Variants in EXD1 observed in about 807,000 individuals in gnomAD.
The protein encoded by EXD1 is piRNA biogenesis protein EXD1.
Under a neutral mutation model 49.1 loss-of-function variants are expected in EXD1, and 63 were observed. The observed-to-expected ratio is 1.28, with a 90% CI of 1.05 to 1.58. The LOEUF (loss-of-function observed/expected upper bound fraction) is 1.58, where lower values mean the gene tolerates loss of function less well. EXD1 is among the 40% of genes most tolerant of loss of function. EXD1 has a pLI of 0.00. For missense variants in EXD1, 748 were observed against 666.0 expected (o/e 1.12, Z -1.36); for synonymous variants, 234 against 239.2 (o/e 0.98, Z 0.20).
At chr15:41,201,730 C>T (rs1335447330) in intron 7 of EXD1, among the ~76,000 whole-genome samples, 9 of 152,136 alleles carry the variant, frequency 5.9e-5, no homozygotes, top group Admixed American at 2.6e-4. Context: ...CCTCGTGATC[C>T]GCCTGCCTCG....
chr15:41,223,437 G>C (rs562069067), intron 2 of EXD1, among the ~76,000 whole-genome samples: 2 of 149,836 alleles, frequency 1.3e-5, no homozygotes, highest in East Asian at 4.0e-4. Context: ...ATTTTTTTTC[G>C]GGGCTGGGTG....
chr15:41,188,947 C>T (rs2046459791), intron 11 of EXD1, among the ~76,000 whole-genome samples: 1 of 151,360 alleles, frequency 6.6e-6, no homozygotes, highest in South Asian at 2.1e-4. Flanking sequence ...GGATTACAGG[C>T]ATGTGCCACC....
chr15:41,199,837 GAT>G lies in EXD1; in HGVS notation c.535-3802_535-3801del, dbSNP rs1168845172. Among the ~76,000 whole-genome samples the G allele has an allele frequency of 2.3e-3, 305 of 133,136 alleles. 1 individual carries two copies. Among genetic ancestry groups the G allele is most frequent in the African/African-American group, 8.1e-3 (285 of 35,318 alleles). 87.3% of individuals were successfully genotyped at this position (133,136 alleles called of 152,430 possible). On this transcript the variant is annotated intron_variant, in intron 7 of 11. Coordinates refer to ENST00000458580, the MANE Select transcript of EXD1 (RefSeq NM_001286441.2). ...CATATATAGATATATGTCAATATATGATATATATAATATGTCATATATATGAT... is the reference window on the plus strand; with the variant it reads ...CATATATAGATATATGTCAATATATGATATATAATATGTCATATATATGAT...
At chr15:41,185,045 T>C (rs1039553949) in intron 11 of EXD1, among the ~76,000 whole-genome samples, 10 of 152,172 alleles carry the variant, frequency 6.6e-5, no homozygotes, top group Admixed American at 1.3e-4. Context: ...TCTTCAATTA[T>C]AGTAGTATCA....
intron 7 of EXD1, among the ~76,000 whole-genome samples, chr15:41,199,266 A>C (rs949758860): frequency 5.3e-5 from 8 of 151,642 alleles, no homozygotes; most frequent in African/African-American, 1.9e-4. Context: ...ATTTTTTTTT[A>C]ATATGGAGAT....
In EXD1 at chr15:41,184,594, C is replaced by T. The variant is rs762986428; in HGVS notation, c.1057-1G>A. 8 of 1,564,558 alleles carry T rather than the reference C, an allele frequency of 5.1e-6. 1 individual carries two copies. In the South Asian group the frequency reaches 8.4e-5, roughly 16 times the overall value. On this transcript the variant is annotated splice_acceptor_variant, in intron 11 of 11. Coordinates refer to ENST00000458580, the MANE Select transcript of EXD1 (RefSeq NM_001286441.2). LOFTEE classifies it high-confidence loss of function. ...CCTCTGGCAGCTCCATACATGTAGGCTAAGAAGAGAAAGCGAACACAAGTT... is the reference window on the plus strand; with the variant it reads ...CCTCTGGCAGCTCCATACATGTAGGTTAAGAAGAGAAAGCGAACACAAGTT...
At chr15:41,224,542 G>A (rs1384392355) in intron 2 of EXD1, among the ~76,000 whole-genome samples, 1 of 152,046 alleles carries the variant, frequency 6.6e-6, no homozygotes, top group Non-Finnish European at 1.5e-5. Context: ...TGGCAGGGTA[G>A]CACAACCAAA....
intron 2 of EXD1, among the ~76,000 whole-genome samples, chr15:41,225,412 C>G (rs1465411074): frequency 6.6e-6 from 1 of 151,004 alleles, no homozygotes; most frequent in East Asian, 2.0e-4. Context: ...CAGTGAAACT[C>G]TGCCACTACT....
chr15:41,205,710 GGAAGGAGA>G (rs112917753), intron 7 of EXD1, among the ~76,000 whole-genome samples: 18,228 of 118,356 alleles, frequency 0.15, 1,365 homozygotes, highest in African/African-American at 0.3. Context: ...AAGGAAGGAG[GGAAGGAGA>G]GAAGGAGGGA....
rs2047227549 is a variant in EXD1, at chr15:41,230,632, G to C, written c.-207C>G. On this transcript the variant is annotated 5_prime_UTR_variant, in exon 1 of 12. Coordinates refer to ENST00000458580, the MANE Select transcript of EXD1 (RefSeq NM_001286441.2). ...GGGCTGCAATGAAGGAAGAAGTCTC[G>C]GGACGCTCCACGCCACCCGGCGGCG... The C allele has an allele frequency of 9.8e-6, 14 of 1,424,168 alleles. No homozygotes were observed. The highest frequency in any genetic ancestry group is 6.0e-5 in the South Asian group (5 of 83,206). The allele number at this position is 1,424,168 out of a possible 1,614,324, so 88.2% of individuals were successfully genotyped here.
chr15:41,195,787 G>T lies in EXD1; in HGVS notation c.708C>A (p.Val236=). 6.2e-7 allele frequency: 1 copy of T among 1,613,024 alleles called. No homozygotes were observed. Among genetic ancestry groups the T allele is most frequent in the South Asian group, 1.1e-5 (1 of 90,926 alleles). ...SHQYGILLNN[V]FDTQVADVLQ... is the part of the protein sequence containing the mutation. ...TCCCTTCATGTACCTGTGTGTCAAA[G>T]ACATTATTCAGCAAAATTCCATACT... The change falls in exon 9 of 12, where the codon GTC becomes GTA. Residue 236 remains valine, a synonymous_variant. Coordinates refer to ENST00000458580, the MANE Select transcript of EXD1 (RefSeq NM_001286441.2).
Position 41,184,533 on chromosome 15 carries a change from T to C in EXD1, c.1117A>G (p.Arg373Gly), listed in dbSNP as rs755296847. Reference sequence around the variant, plus strand: ...CTATATTCTCTTGCAGCTTTCTCCCTGCGCTGCTTCTGGAAGTCCTTGAGT... The same window carrying C: ...CTATATTCTCTTGCAGCTTTCTCCCCGCGCTGCTTCTGGAAGTCCTTGAGT... Reference protein sequence around the residue: ...LQLKDFQKQRREKAAREYRVN... With the variant: ...LQLKDFQKQRGEKAAREYRVN... Residue 373 changes from arginine (R) to glycine (G), a missense_variant, in exon 12 of 12, where the codon AGG becomes GGG. Coordinates refer to ENST00000458580, the MANE Select transcript of EXD1 (RefSeq NM_001286441.2). The C allele has an allele frequency of 2.5e-6, 4 of 1,611,950 alleles. No individual in the cohort carries two copies. The African/African-American group carries it at 5.3e-5, about 22-fold the overall frequency.
chr15:41,226,869 A>G (rs1401204008), intron 1 of EXD1, among the ~76,000 whole-genome samples: 1 of 152,208 alleles, frequency 6.6e-6, no homozygotes, highest in East Asian at 1.9e-4. Context: ...TGGGCATGAT[A>G]TCATCTTTCC....
intron 1 of EXD1, among the ~76,000 whole-genome samples, chr15:41,227,081 A>C (rs2047174168): frequency 6.6e-6 from 1 of 152,230 alleles, no homozygotes; most frequent in Admixed American, 6.5e-5. Context: ...TGAGAATTTA[A>C]GGGCATGGTA....
At position 41,198,638 on chromosome 15, in the gene EXD1, G is replaced by A. The variant is rs188987705; in HGVS notation, c.535-2601C>T. Among the ~76,000 whole-genome samples, 52 of 152,044 alleles carry A rather than the reference G, an allele frequency of 3.4e-4. No homozygotes were observed. In the East Asian group the frequency reaches 7.7e-3, roughly 23 times the overall value. ...TAGGAGCTCCAGGTTGCAGTGAGCC[G>A]TGTTTGCACCACTGCACTCTAGCCT... On this transcript the variant is annotated intron_variant, in intron 7 of 11. Coordinates refer to ENST00000458580, the MANE Select transcript of EXD1 (RefSeq NM_001286441.2).
At chr15:41,201,246 C>A (rs2046724587) in intron 7 of EXD1, among the ~76,000 whole-genome samples, 1 of 152,060 alleles carries the variant, frequency 6.6e-6, no homozygotes, top group Non-Finnish European at 1.5e-5. Flanking sequence ...AAGTCTAATA[C>A]TCCAGGGAAC....
intron 3 of EXD1, 34 bp downstream of exon 3, chr15:41,219,796 G>T: frequency 6.8e-7 from 1 of 1,473,336 alleles, no homozygotes; most frequent in Non-Finnish European, 9.2e-7. Context: ...TGAAATCTCA[G>T]TACTAGCATT....
At position 41,209,525 on chromosome 15, in the gene EXD1, G is replaced by A. The variant is rs1291518717; in HGVS notation, c.510C>T (p.Arg170=). Residue 170 remains arginine (R), a synonymous_variant, in exon 7 of 12, where the codon CGC becomes CGT. Transcript: ENST00000458580. Reference sequence around the variant, plus strand: ...CCTGCAGCCAGCACAGTTTGCCATGGCGACATACATTCGCTCCTTCTGCTG... The same window carrying A: ...CCTGCAGCCAGCACAGTTTGCCATGACGACATACATTCGCTCCTTCTGCTG... The part of the protein sequence containing the change: ...SVAAEGANVC[R]HGKLCWLQVA... The A allele has an allele frequency of 1.2e-6, 2 of 1,614,000 alleles. No individual in the cohort carries two copies. Among genetic ancestry groups the A allele is most frequent in the East Asian group, 4.5e-5 (2 of 44,892 alleles).
chr15:41,195,420 T>C (rs1213121868), intron 9 of EXD1, among the ~76,000 whole-genome samples: 1 of 152,182 alleles, frequency 6.6e-6, no homozygotes, highest in African/African-American at 2.4e-5. Context: ...TAGAGGCAGA[T>C]ATGTGATTGT....
Sources: allele counts gnomAD v4.1 joint callset (sites outside exome capture counted in the v4.1 genomes callset), GRCh38; gene constraint gnomAD v4.1.1; transcripts MANE v1.5; gene names NCBI Gene and HGNC (gene_info 2026-07-23, HGNC 2026-07-21).